Variants in TRIP13 observed in about 807,000 individuals in gnomAD.
TRIP13 encodes the protein pachytene checkpoint protein 2 homolog.
TRIP13 carries 25 observed loss-of-function variants against 54.4 expected under a neutral mutation model. That is an observed-to-expected ratio of 0.46 (90% confidence interval 0.33 to 0.64). TRIP13 has a LOEUF of 0.64. Ranked by LOEUF, TRIP13 falls within the 30% of genes least tolerant of loss-of-function variation. The probability of loss-of-function intolerance (pLI) is 0.02; values close to 1 mark genes in which losing one functional copy is unlikely to be tolerated. For missense variants in TRIP13, 373 were observed against 534.2 expected (o/e 0.70, Z 2.97); for synonymous variants, 207 against 207.8 (o/e 1.00, Z 0.03).
rs1301895586 is a variant in TRIP13, at chr5:894,794, A to G, written c.100A>G (p.Lys34Glu). ...TTTGGCTTCTTTTTTTAGCACTGCAAAGAAAGAAGACATAAACCTGAGTGT... is the reference window on the plus strand; with the variant it reads ...TTTGGCTTCTTTTTTTAGCACTGCAGAGAAAGAAGACATAAACCTGAGTGT... ...EVHQRGSSTA[K>E]KEDINLSVRK... Residue 34 changes from lysine (K) to glutamate (E), a missense_variant, in exon 2 of 13, where the codon AAG becomes GAG. Lys to Glu is a moderately conservative substitution (Grantham distance 56, BLOSUM62 1). Transcript: ENST00000166345. The G allele has an allele frequency of 3.1e-6, 5 of 1,597,736 alleles. No individual in the cohort carries two copies. Among genetic ancestry groups the G allele is most frequent in the East Asian group, 2.2e-5 (1 of 44,670 alleles).
chr5:902,354 A>G (rs1023465957), intron 5 of TRIP13, among the ~76,000 whole-genome samples: 7 of 152,190 alleles, frequency 4.6e-5, no homozygotes, highest in Admixed American at 6.5e-5. Context: ...TTAAAACACA[A>G]TGTTCTTTTA....
intron 11 of TRIP13, among the ~76,000 whole-genome samples, chr5:914,810 C>T (rs961529127): frequency 2.0e-5 from 3 of 149,674 alleles, no homozygotes; most frequent in African/African-American, 7.6e-5. Context: ...TCAGGGAGGG[C>T]GCTGGCTCAC....
In TRIP13 at chr5:911,667, G is replaced by GCAGCGAGAGCT. The variant is rs1682272060; in HGVS notation, c.867-166_867-165insTCAGCGAGAGC. Among the ~76,000 whole-genome samples, 1 of 152,180 alleles carries GCAGCGAGAGCT rather than the reference G, an allele frequency of 6.6e-6. No homozygotes were observed. The highest frequency in any genetic ancestry group is 2.1e-4 in the South Asian group (1 of 4,834). The stretch of plus-strand genomic sequence containing the variant: ...TGTAGAATTCCCAGAAGGCCAAGGA[G>GCAGCGAGAGCT]CAGCGAGAGCAAAGGCTGGGGGGTC... On this transcript the variant is annotated intron_variant, in intron 9 of 12. Transcript: ENST00000166345. The surrounding 1 kb of genome is among the most constrained non-coding windows in gnomAD (Gnocchi z 4.7).
chr5:893,124 A>AGCCCCCCCCC, intron 1 of TRIP13, 34 bp downstream of exon 1: 2 of 1,516,680 alleles, frequency 1.3e-6, no homozygotes, highest in African/African-American at 1.4e-5. Context: ...TCCTCTGGGC[A>AGCCCCCCCCC]CCCACCCGCC....
chr5:909,755 C>T (rs1015944967), intron 9 of TRIP13, among the ~76,000 whole-genome samples: 4 of 152,216 alleles, frequency 2.6e-5, no homozygotes, highest in South Asian at 2.1e-4. Context: ...GTATCCCTTA[C>T]GGGAAACGAA....
Position 901,544 on chromosome 5 carries a change from A to C in TRIP13, c.535+113A>C, listed in dbSNP as rs1183951028. ...GCTCTTTGTTTTCTGAAGGAGCCAC[A>C]GCTGTCCTAGAATGTCCCCTCTCTG... On this transcript the variant is annotated intron_variant, in intron 5 of 12. Transcript: ENST00000166345. 4 of 936,006 alleles carry C rather than the reference A, an allele frequency of 4.3e-6. No homozygotes were observed. The East Asian group carries it at 1.0e-4, about 24-fold the overall frequency. The allele number at this position is 936,006 out of a possible 1,614,324, so 58.0% of individuals were successfully genotyped here.
At position 893,092 on chromosome 5, in the gene TRIP13, T is replaced by C. The variant is rs1258487193; in HGVS notation, c.92+2T>C. 6.3e-7 allele frequency: 1 copy of C among 1,589,364 alleles called. No homozygotes were observed. Among genetic ancestry groups the C allele is most frequent in the Non-Finnish European group, 8.5e-7 (1 of 1,173,978 alleles). On this transcript the variant is annotated splice_donor_variant, in intron 1 of 12. Coordinates refer to ENST00000166345, the MANE Select transcript of TRIP13 (RefSeq NM_004237.4). LOFTEE classifies it high-confidence loss of function. ...GGAGGTGCATCAGCGCGGCAGCAGG[T>C]GAGCCGGACCTGTCCGACACATCCT... is the stretch of plus-strand genomic sequence containing the variant.
At chr5:894,682 C>T (rs1274912603) in intron 1 of TRIP13, 105 bp from the exon 2 acceptor site, 15 of 1,338,950 alleles carry the variant, frequency 1.1e-5, no homozygotes, top group Non-Finnish European at 1.4e-5. Flanking sequence ...ACCCTGTTAA[C>T]TACTGGGCTT....
In TRIP13 at chr5:915,964, G is replaced by T; in HGVS notation, c.1194G>T (p.Leu398=). ...LRKLPFLAHA[L]YVQAPTVTIE... ...AACTCCCCTTTCTGGCTCATGCGCT[G>T]TATGTCCAGGTGAGTCTCCACTGCT... Residue 398 remains leucine (L), a synonymous_variant, in exon 12 of 13, where the codon CTG becomes CTT. Transcript: ENST00000166345. The surrounding 1 kb of genome is among the most constrained non-coding windows in gnomAD (Gnocchi z 4.2). 1 of 1,614,102 alleles carries T rather than the reference G, an allele frequency of 6.2e-7. No individual in the cohort carries two copies. Among genetic ancestry groups the T allele is most frequent in the Non-Finnish European group, 8.5e-7 (1 of 1,179,964 alleles).
intron 6 of TRIP13, among the ~76,000 whole-genome samples, chr5:905,391 G>A (rs1390631572): frequency 1.3e-5 from 2 of 152,106 alleles, no homozygotes; most frequent in Non-Finnish European, 2.9e-5. Context: ...GGACATCGGG[G>A]GCGCCATGAG....
intron 4 of TRIP13, 75 bp downstream of exon 4, chr5:900,624 C>A: frequency 6.6e-7 from 1 of 1,523,242 alleles, no homozygotes; most frequent in Non-Finnish European, 8.9e-7. Context: ...CTCCAACACC[C>A]CTGAGCAACT....
chr5:913,186 G>A lies in TRIP13; in HGVS notation c.1020+1190G>A, dbSNP rs1025544626. ...AGCCCCACGTGATAGCAGATCCTGC[G>A]AGGAAGTCGTGTGTGTTGGAGGTCC... On this transcript the variant is annotated intron_variant, in intron 10 of 12. Coordinates refer to ENST00000166345, the MANE Select transcript of TRIP13 (RefSeq NM_004237.4). The surrounding 1 kb of genome is among the most constrained non-coding windows in gnomAD (Gnocchi z 4.5). 9.9e-5 allele frequency among the ~76,000 whole-genome samples: 15 copies of A among 152,196 alleles called. No individual in the cohort carries two copies. Among genetic ancestry groups the A allele is most frequent in the African/African-American group, 1.9e-4 (8 of 41,442 alleles).
In TRIP13 at chr5:915,864, G is replaced by A. The variant is rs199899927; in HGVS notation, c.1134-40G>A. ...AAAATTAGTCCTGAAACGTGTGATT[G>A]TATAAATTGCTGTCTCTGAACTGGG... On this transcript the variant is annotated intron_variant, in intron 11 of 12. Transcript: ENST00000166345. The surrounding 1 kb of genome is among the most constrained non-coding windows in gnomAD (Gnocchi z 4.2). 850 of 1,607,972 alleles carry A rather than the reference G, an allele frequency of 5.3e-4. 2 individuals are homozygous for A. Among genetic ancestry groups the A allele is most frequent in the Middle Eastern group, 6.6e-4 (4 of 6,078 alleles).
intron 5 of TRIP13, 89 bp downstream of exon 5, chr5:901,520 C>T (rs1753990255): frequency 7.7e-7 from 1 of 1,299,476 alleles, no homozygotes; most frequent in Admixed American, 2.1e-5. Context: ...GGAGTTACGG[C>T]TCTTTGTTTT....
chr5:914,370 G>C, intron 10 of TRIP13, 95 bp from the exon 11 acceptor site: 1 of 802,070 alleles, frequency 1.2e-6, no homozygotes, highest in Non-Finnish European at 2.1e-6. Flanking sequence ...TGGCGTGGTT[G>C]ACATTTGACC....
rs1754148540 is a variant in TRIP13 at position 907,905 on chromosome 5, G to A, written c.673-83G>A. The stretch of plus-strand genomic sequence containing the variant: ...CAGTGGGCTTGTGGGGACAACTGGG[G>A]CAGCAGGCCACATCAGGGTCCCCCT... On this transcript the variant is annotated intron_variant, in intron 7 of 12. Coordinates refer to ENST00000166345, the MANE Select transcript of TRIP13 (RefSeq NM_004237.4). The surrounding 1 kb of genome is among the most constrained non-coding windows in gnomAD (Gnocchi z 4.1). The A allele has an allele frequency of 7.1e-7, 1 of 1,405,352 alleles. No individual in the cohort carries two copies. Among genetic ancestry groups the A allele is most frequent in the Non-Finnish European group, 1.0e-6 (1 of 993,120 alleles). The allele number at this position is 1,405,352 out of a possible 1,614,324, so 87.1% of individuals were successfully genotyped here.
At chr5:916,877 A>C (rs1458329085) in intron 12 of TRIP13, 131 bp from the exon 13 acceptor site, 4 of 666,028 alleles carry the variant, frequency 6.0e-6, no homozygotes, top group African/African-American at 1.9e-5. Flanking sequence ...GTGCGCACTC[A>C]CTGCTCACCT....
chr5:896,465 GC>G (rs1230044939), intron 2 of TRIP13, among the ~76,000 whole-genome samples, 199 bp from the exon 3 acceptor site: 3 of 152,192 alleles, frequency 2.0e-5, no homozygotes, highest in Non-Finnish European at 4.4e-5. Context: ...GGCCCAAAGA[GC>G]AAGGGATGGG....
rs745439685 is a variant in TRIP13, at chr5:900,576, T to G, written c.444+27T>G. Reference sequence around the variant, plus strand: ...TAAGTTGCTGTGCCTTTTCCCAGAATGCCCTGTTATTTGAAGAGGAACCAT... The same window carrying G: ...TAAGTTGCTGTGCCTTTTCCCAGAAGGCCCTGTTATTTGAAGAGGAACCAT... On this transcript the variant is annotated intron_variant, in intron 4 of 12. Transcript: ENST00000166345. 1.4e-5 allele frequency: 23 copies of G among 1,607,376 alleles called. No individual in the cohort carries two copies. In the South Asian group the frequency reaches 2.4e-4, roughly 17 times the overall value.
Sources: allele counts gnomAD v4.1 joint callset (sites outside exome capture counted in the v4.1 genomes callset), GRCh38; gene constraint gnomAD v4.1.1; non-coding constraint Gnocchi (gnomAD v3.1); transcripts MANE v1.5; gene names NCBI Gene and HGNC (gene_info 2026-07-23, HGNC 2026-07-21).